Variants in AFF1 observed in about 807,000 individuals in gnomAD.
The protein encoded by AFF1 is AF4/FMR2 family member 1.
A neutral mutation model predicts 121.7 loss-of-function variants in AFF1; 48 were observed. The observed-to-expected ratio is 0.39, with a 90% CI of 0.31 to 0.50. The LOEUF is 0.50. Among genes scored for constraint, AFF1 ranks in the 20% least tolerant of loss-of-function variants. AFF1 has a pLI of 0.76. For synonymous variants in AFF1, 613 were observed against 563.0 expected (o/e 1.09, Z -1.26); for missense variants, 1,523 against 1,511.7 (o/e 1.01, Z -0.12).
chr4:87,105,626 A>C lies in AFF1; in HGVS notation c.1284-2A>C. ...TCTTCTCTGTGTCCCTGCCCATTCC[A>C]GCATGCTCGAAGACGACCTTCAGCT... is the stretch of plus-strand genomic sequence containing the variant. On this transcript the variant is annotated splice_acceptor_variant, in intron 8 of 20. Coordinates refer to ENST00000395146, the MANE Select transcript of AFF1 (RefSeq NM_001166693.3). LOFTEE classifies it high-confidence loss of function. 6.2e-7 allele frequency: 1 copy of C among 1,614,210 alleles called. No homozygotes were observed. Among genetic ancestry groups the C allele is most frequent in the Non-Finnish European group, 8.5e-7 (1 of 1,180,036 alleles).
rs528934075 is a variant in AFF1 at position 87,063,666 on chromosome 4, T to G, written c.1059+16072T>G. 2.6e-5 allele frequency among the ~76,000 whole-genome samples: 4 copies of G among 152,342 alleles called. No homozygotes were observed. The South Asian group carries it at 8.3e-4, about 32-fold the overall frequency. On this transcript the variant is annotated intron_variant, in intron 4 of 20. Coordinates refer to ENST00000395146, the MANE Select transcript of AFF1 (RefSeq NM_001166693.3). Reference sequence around the variant, plus strand: ...AATGGACAGAGCTATGGAGTTAGAATGCATGGGTTCATTCTACTTCACATT... The same window carrying G: ...AATGGACAGAGCTATGGAGTTAGAAGGCATGGGTTCATTCTACTTCACATT...
chr4:87,098,730 C>CTTAAAATA (rs1725124564), intron 8 of AFF1, among the ~76,000 whole-genome samples: 2 of 152,108 alleles, frequency 1.3e-5, no homozygotes, highest in African/African-American at 2.4e-5. Flanking sequence ...AAATAAGAGA[C>CTTAAAATA]AGAAATTAGT....
chr4:86,938,648 T>C lies in AFF1; in HGVS notation c.-37+3408T>C, dbSNP rs546842271. Among the ~76,000 whole-genome samples, 25 of 152,348 alleles carry C rather than the reference T, an allele frequency of 1.6e-4. 2 individuals carry two copies. The East Asian group carries it at 3.3e-3, about 20-fold the overall frequency. The stretch of plus-strand genomic sequence containing the variant: ...TAGTGTTGATTTGGATCTTAGATTT[T>C]AAAATAGATTACATAAACTCTGTAA... On this transcript the variant is annotated intron_variant, in intron 1 of 20. Transcript: ENST00000395146.
intron 4 of AFF1, among the ~76,000 whole-genome samples, chr4:87,074,482 T>C (rs368336170): frequency 9.2e-5 from 14 of 152,360 alleles, no homozygotes; most frequent in East Asian, 3.9e-4. Flanking sequence ...TAATGGTTCA[T>C]AGTCAATAGT....
At chr4:86,996,430 A>G (rs1725204235) in intron 2 of AFF1, among the ~76,000 whole-genome samples, 1 of 151,448 alleles carries the variant, frequency 6.6e-6, no homozygotes, top group Non-Finnish European at 1.5e-5. Flanking sequence ...CTTACCCCCA[A>G]CCCTGTGCTC....
At position 87,115,094 on chromosome 4, in the gene AFF1, A is replaced by G. The variant is rs773140845; in HGVS notation, c.2261A>G (p.Lys754Arg). 3.5e-5 allele frequency: 57 copies of G among 1,613,978 alleles called. No homozygotes were observed. The highest frequency in any genetic ancestry group is 5.3e-5 in the African/African-American group (4 of 74,904). ...DRLPLPLRDT[K>R]LLSPLRDTPP... ...CTCCCATTGCCTTTGAGAGACACCA[A>G]GCTGCTCTCACCGCTCAGGGACACT... Residue 754 changes from lysine to arginine, a missense_variant, in exon 12 of 21, where the codon AAG becomes AGG. Lys to Arg is a conservative substitution (Grantham distance 26). This residue lies in a region of AFF1 where 905 missense variants were observed against 842.5 expected (regional missense o/e 1.07). Coordinates refer to ENST00000395146, the MANE Select transcript of AFF1 (RefSeq NM_001166693.3).
In AFF1 at chr4:87,021,977, C is replaced by T. The variant is rs148224832; in HGVS notation, c.39-24189C>T. 5.9e-3 allele frequency among the ~76,000 whole-genome samples: 904 copies of T among 152,152 alleles called. 2 individuals carry two copies. Among genetic ancestry groups the T allele is most frequent in the African/African-American group, 0.012 (514 of 41,502 alleles). On this transcript the variant is annotated intron_variant, in intron 2 of 20. Transcript: ENST00000395146. Reference sequence around the variant, plus strand: ...CAGCACTTTGGGAGGCCGAGGCCAGCGGATCACCTGAGGTCAGGAGTTTGA... The same window carrying T: ...CAGCACTTTGGGAGGCCGAGGCCAGTGGATCACCTGAGGTCAGGAGTTTGA...
At chr4:87,125,346 G>A in intron 13 of AFF1, 2 of 380,178 alleles carry the variant, frequency 5.3e-6, no homozygotes, top group East Asian at 7.8e-5. Flanking sequence ...AGCAAATTTA[G>A]ATTTATCAGA....
At chr4:87,085,160 A>G (rs1463381556) in intron 5 of AFF1, among the ~76,000 whole-genome samples, 1 of 152,244 alleles carries the variant, frequency 6.6e-6, no homozygotes, top group Non-Finnish European at 1.5e-5. Context: ...TACAAGGATG[A>G]CAGATTCCTT....
chr4:87,086,518 T>C (rs1331048625), intron 5 of AFF1, among the ~76,000 whole-genome samples: 1 of 152,178 alleles, frequency 6.6e-6, no homozygotes, highest in African/African-American at 2.4e-5. Flanking sequence ...ATTTATGATT[T>C]GGAAATCATA....
At chr4:86,945,351 G>A (rs1028926918) in intron 1 of AFF1, among the ~76,000 whole-genome samples, 1 of 143,910 alleles carries the variant, frequency 6.9e-6, no homozygotes, top group Non-Finnish European at 1.5e-5. Context: ...TTGAGGCAGG[G>A]CCTTGTTTTT....
chr4:87,054,629 A>G (rs995765384), intron 4 of AFF1, among the ~76,000 whole-genome samples: 2 of 152,198 alleles, frequency 1.3e-5, no homozygotes, highest in Non-Finnish European at 2.9e-5. Flanking sequence ...TAGCAGAGTA[A>G]AGTTATCTGT....
At chr4:87,053,642 A>G (rs1276471705) in intron 4 of AFF1, among the ~76,000 whole-genome samples, 2 of 152,248 alleles carry the variant, frequency 1.3e-5, no homozygotes, top group Non-Finnish European at 2.9e-5. Context: ...CACATCATGT[A>G]TTCAGCAATT....
Position 87,136,201 on chromosome 4 carries a change from G to A in AFF1, c.*500G>A, listed in dbSNP as rs1408. 142,702 of 231,288 alleles carry A rather than the reference G, an allele frequency of 0.62. 44,585 individuals are homozygous for A. The highest frequency in any genetic ancestry group is 0.74 in the African/African-American group (33,351 of 45,172). The allele number at this position is 231,288 out of a possible 1,614,324, so 14.3% of individuals were successfully genotyped here. On this transcript the variant is annotated 3_prime_UTR_variant, in exon 21 of 21. Transcript: ENST00000395146. ...GAGTTTTGGGAGAAATATTTGTTTAGTAACTTCTAATGGCCATCTGTAAAC... is the reference window on the plus strand; with the variant it reads ...GAGTTTTGGGAGAAATATTTGTTTAATAACTTCTAATGGCCATCTGTAAAC...
intron 2 of AFF1, among the ~76,000 whole-genome samples, chr4:87,017,019 T>A (rs1727362673): frequency 6.6e-6 from 1 of 151,854 alleles, no homozygotes; most frequent in African/African-American, 2.4e-5. Context: ...TTTAAAAAAT[T>A]GTGAATAATG....
At chr4:87,054,338 T>C (rs1470308686) in intron 4 of AFF1, among the ~76,000 whole-genome samples, 1 of 152,154 alleles carries the variant, frequency 6.6e-6, no homozygotes. Context: ...AGGATCACAC[T>C]GAACTGATGG....
chr4:86,967,907 A>C (rs1436728346), intron 2 of AFF1, among the ~76,000 whole-genome samples: 2 of 152,236 alleles, frequency 1.3e-5, no homozygotes, highest in Non-Finnish European at 2.9e-5. Flanking sequence ...CAATTTATTC[A>C]GTAGAAAATG....
chr4:87,140,543 T>G lies in AFF1; in HGVS notation c.*4842T>G, dbSNP rs980362599. ...TTTGGAGGAAAGTCAAATCTTGGTA[T>G]TATTAAAATTGTTTTAAAAAGGAGT... On this transcript the variant is annotated 3_prime_UTR_variant, in exon 21 of 21. Transcript: ENST00000395146. The G allele has an allele frequency of 1.7e-5, 3 of 177,826 alleles. No homozygotes were observed. Among genetic ancestry groups the G allele is most frequent in the Non-Finnish European group, 3.6e-5 (3 of 82,868 alleles). The allele number at this position is 177,826 out of a possible 1,614,324, so 11.0% of individuals were successfully genotyped here. A position where few individuals can be genotyped will look rare whatever the true frequency, so the allele number is the denominator to read the frequency against.
chr4:86,974,313 A>G (rs558986532), intron 2 of AFF1, among the ~76,000 whole-genome samples: 1 of 152,038 alleles, frequency 6.6e-6, no homozygotes, highest in African/African-American at 2.4e-5. Flanking sequence ...ACGCCGGGCT[A>G]ATTTTTTTGT....
Sources: gnomAD v4.1 joint callset for allele counts (sites outside exome capture counted in the v4.1 genomes callset) on GRCh38, gnomAD v4.1.1 for gene constraint, gnomAD v4.1.1 regional missense constraint, MANE v1.5 for transcripts, NCBI Gene and HGNC (gene_info 2026-07-23, HGNC 2026-07-21) for gene names.